YES1: variants seen among roughly 807,000 people sequenced by gnomAD.
YES1 encodes YES proto-oncogene 1, Src family tyrosine kinase, also known as tyrosine-protein kinase Yes.
A neutral mutation model predicts 70.4 loss-of-function variants in YES1; 39 were observed. The ratio of observed to expected loss-of-function variants is 0.55; its 90% CI spans 0.43 to 0.72. YES1 has a LOEUF of 0.72. Ranked by LOEUF, YES1 falls within the 30% of genes least tolerant of loss-of-function variation. YES1 has a pLI of 0.00. For synonymous variants in YES1, 198 were observed against 218.6 expected (o/e 0.91, Z 0.83); for missense variants, 495 against 644.8 (o/e 0.77, Z 2.52).
rs574010685 is a variant in YES1 at position 726,582 on chromosome 18, C to A, written c.1424-1950G>T. Among the ~76,000 whole-genome samples the A allele has an allele frequency of 5.3e-5, 8 of 151,820 alleles. No individual in the cohort carries two copies. In the East Asian group the frequency reaches 1.5e-3, roughly 29 times the overall value. Reference sequence around the variant, plus strand: ...ATCACCTGAGGTCAGGAGTTTGAGACCAGCCTGGCCAACATGGCGAAACCC... The same window carrying A: ...ATCACCTGAGGTCAGGAGTTTGAGAACAGCCTGGCCAACATGGCGAAACCC... On this transcript the variant is annotated intron_variant, in intron 11 of 11. Transcript: ENST00000314574.
chr18:745,607 T>C, intron 6 of YES1, 101 bp downstream of exon 6: 1 of 1,156,524 alleles, frequency 8.6e-7, no homozygotes, highest in Non-Finnish European at 1.2e-6. Flanking sequence ...GTATTATGTG[T>C]AAATAAGTGT....
At chr18:783,056 A>G (rs1009678821) in intron 1 of YES1, among the ~76,000 whole-genome samples, 2 of 152,078 alleles carry the variant, frequency 1.3e-5, no homozygotes, top group Non-Finnish European at 2.9e-5. Flanking sequence ...TTTTTTAAGA[A>G]AAGTATGTAA....
In YES1 at chr18:744,625, A is replaced by C. The variant is rs185160270; in HGVS notation, c.724+1083T>G. Among the ~76,000 whole-genome samples the C allele has an allele frequency of 2.8e-3, 414 of 149,298 alleles. 3 individuals are homozygous for C. The highest frequency in any genetic ancestry group is 5.0e-3 in the Non-Finnish European group (338 of 67,646). The stretch of plus-strand genomic sequence containing the variant: ...GGCTGGTCTCAAACTCCTGACCTCA[A>C]GTGATCTGTCTGTTTCGGCCTCCCA... On this transcript the variant is annotated intron_variant, in intron 6 of 11. Coordinates refer to ENST00000314574, the MANE Select transcript of YES1 (RefSeq NM_005433.4).
Position 743,344 on chromosome 18 carries a change from C to T in YES1, c.796G>A (p.Ala266Thr), listed in dbSNP as rs1341514002. The T allele has an allele frequency of 6.2e-7, 1 of 1,612,768 alleles. No individual in the cohort carries two copies. The highest frequency in any genetic ancestry group is 1.7e-5 in the Admixed American group (1 of 59,998). Reference protein sequence around the residue: ...PTVKPQTQGLAKDAWEIPRES... With the variant: ...PTVKPQTQGLTKDAWEIPRES... Reference sequence around the variant, plus strand: ...CGAGGGATTTCCCAAGCATCTTTTGCTAGACCTTGAGTCTGAGGTTTCACA... The same window carrying T: ...CGAGGGATTTCCCAAGCATCTTTTGTTAGACCTTGAGTCTGAGGTTTCACA... Residue 266 changes from alanine (A) to threonine (T), a missense_variant, in exon 7 of 12, where the codon GCA becomes ACA. Around this residue, in one of 2 missense-constraint regions of YES1, gnomAD observed 385 missense variants for 540.9 expected, o/e 0.71. Coordinates refer to ENST00000314574, the MANE Select transcript of YES1 (RefSeq NM_005433.4).
At chr18:775,903 T>C (rs2145787729) in intron 1 of YES1, among the ~76,000 whole-genome samples, 1 of 152,344 alleles carries the variant, frequency 6.6e-6, no homozygotes, top group Non-Finnish European at 1.5e-5. Context: ...CAGGAACAGC[T>C]GTACTTTGTT....
chr18:789,250 A>T (rs1465920946), intron 1 of YES1, among the ~76,000 whole-genome samples: 1 of 152,176 alleles, frequency 6.6e-6, no homozygotes, highest in Non-Finnish European at 1.5e-5. Flanking sequence ...ATGACCCAAT[A>T]CACTTATGTC....
chr18:747,400 T>C (rs1004079484), intron 4 of YES1, among the ~76,000 whole-genome samples: 2 of 151,806 alleles, frequency 1.3e-5, no homozygotes, highest in African/African-American at 4.8e-5. Context: ...GCCTGGGAGG[T>C]AGAGGTTGCA....
chr18:730,379 C>T (rs1328426399), intron 11 of YES1, among the ~76,000 whole-genome samples: 1 of 146,622 alleles, frequency 6.8e-6, no homozygotes. Flanking sequence ...GGGTCTTGCT[C>T]TGTTGCCCAG....
chr18:726,448 T>G (rs943824230), intron 11 of YES1, among the ~76,000 whole-genome samples: 5 of 148,976 alleles, frequency 3.4e-5, no homozygotes, highest in Non-Finnish European at 7.4e-5. Flanking sequence ...CAAAAACAAC[T>G]TCACTCTTCA....
intron 1 of YES1, among the ~76,000 whole-genome samples, chr18:762,841 A>G (rs1904664997): frequency 6.6e-6 from 1 of 152,258 alleles, no homozygotes; most frequent in Admixed American, 6.5e-5. Context: ...TTTCATTAAA[A>G]GGTCACAAAT....
At chr18:792,461 G>A (rs867337300) in intron 1 of YES1, among the ~76,000 whole-genome samples, 1 of 151,928 alleles carries the variant, frequency 6.6e-6, no homozygotes, top group Admixed American at 6.6e-5. Context: ...ATTCAAGGCT[G>A]TAGTGTGCCA....
chr18:744,267 C>G (rs2080251682), intron 6 of YES1, among the ~76,000 whole-genome samples: 1 of 151,924 alleles, frequency 6.6e-6, no homozygotes, highest in Admixed American at 6.6e-5. Flanking sequence ...CCTTTGTACA[C>G]TGGGTTTTAT....
chr18:798,851 A>T (rs1353357624), intron 1 of YES1, among the ~76,000 whole-genome samples: 1 of 152,168 alleles, frequency 6.6e-6, no homozygotes, highest in African/African-American at 2.4e-5. Flanking sequence ...TAAAATCCAG[A>T]ACTGTCTTTC....
intron 3 of YES1, among the ~76,000 whole-genome samples, chr18:748,544 C>A (rs2080306784): frequency 6.6e-6 from 1 of 152,058 alleles, no homozygotes; most frequent in South Asian, 2.1e-4. Flanking sequence ...ACTCTGCACC[C>A]CCAACTACCT....
At chr18:734,510 C>T (rs1040963638) in intron 10 of YES1, among the ~76,000 whole-genome samples, 5 of 151,750 alleles carry the variant, frequency 3.3e-5, no homozygotes, top group South Asian at 2.1e-4. Flanking sequence ...GAGCCAAGAT[C>T]GCGCCACTGC....
Position 736,857 on chromosome 18 carries a change from G to A in YES1, c.1242C>T (p.Asp414=). 6.2e-7 allele frequency: 1 copy of A among 1,612,294 alleles called. No homozygotes were observed. Residue 414 remains aspartate (D), a synonymous_variant, in exon 10 of 12, where the codon GAC becomes GAT. Transcript: ENST00000314574. ...VGENLVCKIA[D]FGLARLIEDN... is the part of the protein sequence containing the mutation. The stretch of plus-strand genomic sequence containing the variant: ...CTTCAATTAACCTTGCTAAACCAAA[G>A]TCTGCTATTTTGCACACAAGATTTT...
At position 723,964 on chromosome 18, in the gene YES1, C is replaced by T. The variant is rs1440329843; in HGVS notation, c.*460G>A. 6.4e-6 allele frequency: 1 copy of T among 155,428 alleles called. No homozygotes were observed. The highest frequency in any genetic ancestry group is 1.9e-4 in the East Asian group (1 of 5,286). The allele number at this position is 155,428 out of a possible 1,614,324, so 9.6% of individuals were successfully genotyped here. ...AAAAAACTTTTGAGAATAATAAATG[C>T]AAGAAACTTTAAAAAACTGGAATGG... On this transcript the variant is annotated 3_prime_UTR_variant, in exon 12 of 12. Coordinates refer to ENST00000314574, the MANE Select transcript of YES1 (RefSeq NM_005433.4).
chr18:792,764 C>T (rs1906335052), intron 1 of YES1, among the ~76,000 whole-genome samples: 2 of 151,700 alleles, frequency 1.3e-5, no homozygotes, highest in South Asian at 2.1e-4. Flanking sequence ...AGTTCAAGAT[C>T]AGCCTGGGCA....
chr18:763,239 T>C (rs995138371), intron 1 of YES1, among the ~76,000 whole-genome samples: 1 of 152,156 alleles, frequency 6.6e-6, no homozygotes, highest in Non-Finnish European at 1.5e-5. Flanking sequence ...TTAGACTTTC[T>C]CCAGGGAGCA....
Sources: gnomAD v4.1 joint callset for allele counts (sites outside exome capture counted in the v4.1 genomes callset) on GRCh38, gnomAD v4.1.1 for gene constraint, gnomAD v4.1.1 regional missense constraint, MANE v1.5 for transcripts, NCBI Gene and HGNC (gene_info 2026-07-23, HGNC 2026-07-21) for gene names.